The following HSPBP1 variants were observed in gnomAD, a reference collection of about 807,000 sequenced individuals.
The protein encoded by HSPBP1 is HSPA (Hsp70) binding protein 1.
Under a neutral mutation model 41.7 loss-of-function variants are expected in HSPBP1, and 31 were observed. The observed-to-expected ratio is 0.74, with a 90% CI of 0.56 to 1.00. HSPBP1 has a LOEUF of 1.00. Ranked by LOEUF, HSPBP1 falls within the 50% of genes least tolerant of loss-of-function variation. The pLI is 0.00. For synonymous variants in HSPBP1, 199 were observed against 214.4 expected (o/e 0.93, Z 0.63); for missense variants, 439 against 487.9 (o/e 0.90, Z 0.94).
chr19:55,264,877 C>G lies in HSPBP1; in HGVS notation c.1005+401G>C, dbSNP rs1430234936. Among the ~76,000 whole-genome samples, 7 of 152,098 alleles carry G rather than the reference C, an allele frequency of 4.6e-5. 1 individual carries two copies. The highest frequency in any genetic ancestry group is 4.6e-4 in the Admixed American group (7 of 15,282). On this transcript the variant is annotated intron_variant, in intron 7 of 7. Coordinates refer to ENST00000433386, the MANE Select transcript of HSPBP1 (RefSeq NM_012267.5). ...AAGCCTGAACCAGCGGACCCAGGAG[C>G]CCCCAAGGGCAAGGACTGGCTGGCT...
rs2087762439 is a variant in HSPBP1 at position 55,265,945 on chromosome 19, C to T, written c.834G>A (p.Val278=). 1.2e-6 allele frequency: 2 copies of T among 1,607,580 alleles called. No homozygotes were observed. Among genetic ancestry groups the T allele is most frequent in the East Asian group, 2.2e-5 (1 of 44,690 alleles). ...GGCTGTGCTCTGTCCGCACCAGGGC[C>T]ACCAGCTGCTGGACCATCCCCATGG... The part of the protein sequence containing the change: ...LCSMGMVQQL[V]ALVRTEHSPF... Residue 278 remains valine (V), a synonymous_variant, in exon 6 of 8, where the codon GTG becomes GTA. Transcript: ENST00000433386.
chr19:55,271,476 T>C (rs2087922522), intron 4 of HSPBP1, among the ~76,000 whole-genome samples: 1 of 152,234 alleles, frequency 6.6e-6, no homozygotes, highest in Non-Finnish European at 1.5e-5. Flanking sequence ...CTGCCCTTTG[T>C]GGCCGAGCTG....
chr19:55,271,978 C>T (rs760539339), intron 4 of HSPBP1, among the ~76,000 whole-genome samples: 2 of 152,048 alleles, frequency 1.3e-5, no homozygotes, highest in Admixed American at 6.6e-5. Flanking sequence ...AGGGGAATCC[C>T]TTGAACCTGG....
chr19:55,265,157 C>G lies in HSPBP1; in HGVS notation c.1005+121G>C, dbSNP rs1344357278. On this transcript the variant is annotated intron_variant, in intron 7 of 7. Coordinates refer to ENST00000433386, the MANE Select transcript of HSPBP1 (RefSeq NM_012267.5). ...GGTCCTCCTGGAGCCCCTGTCCCCTCCCCCTGGCACCTGATCCTCCTCGAA... is the reference window on the plus strand; with the variant it reads ...GGTCCTCCTGGAGCCCCTGTCCCCTGCCCCTGGCACCTGATCCTCCTCGAA... The G allele has an allele frequency of 3.5e-5, 18 of 510,968 alleles. No homozygotes were observed. The Admixed American group carries it at 5.1e-4, about 15-fold the overall frequency. 31.7% of individuals were successfully genotyped at this position (510,968 alleles called of 1,614,324 possible).
intron 7 of HSPBP1, among the ~76,000 whole-genome samples, chr19:55,262,885 C>T (rs2087683478): frequency 6.6e-6 from 1 of 152,148 alleles, no homozygotes; most frequent in Admixed American, 6.5e-5. Context: ...TGAACTAGAA[C>T]CCGGGGTCCC....
intron 4 of HSPBP1, among the ~76,000 whole-genome samples, chr19:55,269,666 C>A (rs956789624): frequency 9.9e-5 from 15 of 152,176 alleles, no homozygotes; most frequent in African/African-American, 3.4e-4. Context: ...ATATGACATT[C>A]TGGAAAAGGC....
intron 3 of HSPBP1, among the ~76,000 whole-genome samples, chr19:55,275,425 C>T (rs2088045470): frequency 6.6e-6 from 1 of 152,100 alleles, no homozygotes; most frequent in Non-Finnish European, 1.5e-5. Flanking sequence ...TCATAAATGA[C>T]CCAAATGTCC....
intron 2 of HSPBP1, among the ~76,000 whole-genome samples, 166 bp from the exon 3 acceptor site, chr19:55,278,012 C>T (rs1054789025): frequency 1.3e-5 from 2 of 152,158 alleles, no homozygotes; most frequent in East Asian, 1.9e-4. Flanking sequence ...TTTGGGAGGC[C>T]GAGGTGGGTA....
At position 55,272,508 on chromosome 19, in the gene HSPBP1, C is replaced by T. The variant is rs773901389; in HGVS notation, c.640+1890G>A. On this transcript the variant is annotated intron_variant, in intron 4 of 7. Transcript: ENST00000433386. This position sits in a 1 kb window ranked among gnomAD's most constrained non-coding sequence, Gnocchi z 4.2. Reference sequence around the variant, plus strand: ...GGACGGACGCCGAGTGATTGCTTAACGGGTACAGAATTTCTGCTTGGGGGA... The same window carrying T: ...GGACGGACGCCGAGTGATTGCTTAATGGGTACAGAATTTCTGCTTGGGGGA... 5.9e-5 allele frequency among the ~76,000 whole-genome samples: 9 copies of T among 152,238 alleles called. No individual in the cohort carries two copies. Among genetic ancestry groups the T allele is most frequent in the Non-Finnish European group, 1.0e-4 (7 of 68,014 alleles).
At chr19:55,274,693 T>C in intron 3 of HSPBP1, 71 bp from the exon 4 acceptor site, 1 of 1,296,710 alleles carries the variant, frequency 7.7e-7, no homozygotes, top group Non-Finnish European at 1.1e-6. Context: ...AATGCATGGG[T>C]TGATGTTCTG....
At chr19:55,278,290 T>G (rs894858480) in intron 2 of HSPBP1, among the ~76,000 whole-genome samples, 1 of 152,100 alleles carries the variant, frequency 6.6e-6, no homozygotes, top group Non-Finnish European at 1.5e-5. Context: ...CTGGAATTTT[T>G]GGGGGTGAGG....
intron 7 of HSPBP1, among the ~76,000 whole-genome samples, chr19:55,264,535 CTTG>C (rs1381565484): frequency 6.6e-6 from 1 of 152,018 alleles, no homozygotes; most frequent in East Asian, 1.9e-4. Flanking sequence ...TATCTGATGA[CTTG>C]TTATTTATCA....
intron 3 of HSPBP1, among the ~76,000 whole-genome samples, 173 bp from the exon 4 acceptor site, chr19:55,274,795 T>A (rs1240319393): frequency 6.6e-6 from 1 of 152,106 alleles, no homozygotes; most frequent in Non-Finnish European, 1.5e-5. Flanking sequence ...TGGGCCCTAA[T>A]GCAATCTGAC....
At chr19:55,267,357 G>T (rs2087814206) in intron 4 of HSPBP1, among the ~76,000 whole-genome samples, 1 of 152,094 alleles carries the variant, frequency 6.6e-6, no homozygotes, top group African/African-American at 2.4e-5. Context: ...CACCATGTTG[G>T]CCAGGTTGGT....
chr19:55,279,237 C>T (rs577662094), intron 2 of HSPBP1, among the ~76,000 whole-genome samples, 162 bp downstream of exon 2: 12 of 152,268 alleles, frequency 7.9e-5, no homozygotes, highest in African/African-American at 2.9e-4. Context: ...ACGATAACCC[C>T]ATCTAGCACA....
At chr19:55,274,909 C>A (rs1280313236) in intron 3 of HSPBP1, among the ~76,000 whole-genome samples, 2 of 152,136 alleles carry the variant, frequency 1.3e-5, no homozygotes, top group African/African-American at 4.8e-5. Flanking sequence ...GAGAGGGGGG[C>A]TCAGGAGAAA....
chr19:55,265,199 C>A, intron 7 of HSPBP1, 79 bp downstream of exon 7: 1 of 864,302 alleles, frequency 1.2e-6, no homozygotes, highest in South Asian at 1.6e-5. Flanking sequence ...CCCCTCCCCA[C>A]ACACCTAGTC....
At chr19:55,267,756 G>A (rs955275840) in intron 4 of HSPBP1, among the ~76,000 whole-genome samples, 1 of 152,238 alleles carries the variant, frequency 6.6e-6, no homozygotes. Flanking sequence ...ACCGTCCCCA[G>A]TCCGCAACAT....
chr19:55,277,556 G>A (rs1364084864), intron 3 of HSPBP1, 86 bp downstream of exon 3: 8 of 1,352,908 alleles, frequency 5.9e-6, no homozygotes, highest in African/African-American at 4.3e-5. Context: ...GGCTGACGGT[G>A]TGAGCCCCAA....
Sources: allele counts gnomAD v4.1 joint callset (sites outside exome capture counted in the v4.1 genomes callset), GRCh38; gene constraint gnomAD v4.1.1; non-coding constraint Gnocchi (gnomAD v3.1); transcripts MANE v1.5; gene names NCBI Gene and HGNC (gene_info 2026-07-23, HGNC 2026-07-21).